AOAH: variants seen among roughly 807,000 people sequenced by gnomAD.
AOAH encodes the protein acyloxyacyl hydrolase.
In AOAH, 64 loss-of-function variants were observed where a neutral mutation model predicts 92.2. The observed-to-expected ratio is 0.69, with a 90% CI of 0.57 to 0.86. AOAH has a LOEUF of 0.86. Among genes scored for constraint, AOAH ranks in the 40% least tolerant of loss-of-function variants. The pLI is 0.00. For missense variants in AOAH, 656 were observed against 694.6 expected (o/e 0.94, Z 0.62); for synonymous variants, 263 against 254.5 (o/e 1.03, Z -0.32).
intron 19 of AOAH, among the ~76,000 whole-genome samples, chr7:36,527,552 G>A (rs558162347): frequency 5.9e-5 from 9 of 152,236 alleles, no homozygotes; most frequent in African/African-American, 1.7e-4. Context: ...TGGACATCAG[G>A]AGTGAAGGAG....
chr7:36,571,132 A>G (rs1472177354), intron 13 of AOAH, among the ~76,000 whole-genome samples: 1 of 152,148 alleles, frequency 6.6e-6, no homozygotes, highest in Non-Finnish European at 1.5e-5. Flanking sequence ...AAAGTCTAGT[A>G]TTTACTGAGT....
chr7:36,639,558 T>A (rs1165511755), intron 4 of AOAH, among the ~76,000 whole-genome samples: 1 of 152,248 alleles, frequency 6.6e-6, no homozygotes, highest in African/African-American at 2.4e-5. Flanking sequence ...CCAGATTTTA[T>A]GCACATAGGA....
intron 13 of AOAH, among the ~76,000 whole-genome samples, chr7:36,572,677 A>T (rs1788220035): frequency 6.6e-6 from 1 of 152,226 alleles, no homozygotes; most frequent in South Asian, 2.1e-4. Context: ...TTTCTCATTC[A>T]GTCTTCAGCA....
intron 4 of AOAH, among the ~76,000 whole-genome samples, chr7:36,648,269 C>T (rs1339893222): frequency 6.6e-6 from 1 of 152,192 alleles, no homozygotes; most frequent in Non-Finnish European, 1.5e-5. Flanking sequence ...ACCATCAGAA[C>T]TTTGTGAAGT....
intron 15 of AOAH, among the ~76,000 whole-genome samples, chr7:36,548,207 A>C (rs1050147814): frequency 2.3e-4 from 35 of 152,002 alleles, no homozygotes; most frequent in Admixed American, 2.3e-3. Flanking sequence ...TTTTTTTGAG[A>C]TAGAGTCTTG....
chr7:36,561,065 C>T (rs1158328283), intron 13 of AOAH, among the ~76,000 whole-genome samples: 6 of 134,986 alleles, frequency 4.4e-5, no homozygotes, highest in African/African-American at 8.5e-5. Context: ...TTTTTTGAGA[C>T]GGAGTCTCAC....
At chr7:36,520,570 TGGC>T (rs1427830077) in intron 20 of AOAH, among the ~76,000 whole-genome samples, 2 of 152,088 alleles carry the variant, frequency 1.3e-5, no homozygotes, top group Admixed American at 1.3e-4. Context: ...CCAGGTGTGG[TGGC>T]GCATGCCTGT....
intron 6 of AOAH, among the ~76,000 whole-genome samples, chr7:36,627,730 C>T (rs976431016): frequency 1.3e-5 from 2 of 152,130 alleles, no homozygotes; most frequent in Non-Finnish European, 2.9e-5. Flanking sequence ...TCTGGCCACA[C>T]GACATTCTAT....
chr7:36,702,035 C>T (rs1418717821), intron 1 of AOAH, among the ~76,000 whole-genome samples: 1 of 151,990 alleles, frequency 6.6e-6, no homozygotes, highest in Non-Finnish European at 1.5e-5. Flanking sequence ...GGTAAGACTT[C>T]ACAACTTTGC....
intron 16 of AOAH, among the ~76,000 whole-genome samples, chr7:36,533,672 T>TGTGTGC (rs1040096193): frequency 1.8e-5 from 2 of 109,886 alleles, no homozygotes; most frequent in Admixed American, 2.1e-4. Flanking sequence ...CCCTCTATTT[T>TGTGTGC]GTGTGCGTGT....
intron 11 of AOAH, among the ~76,000 whole-genome samples, chr7:36,605,586 C>T (rs1790941456): frequency 6.6e-6 from 1 of 152,204 alleles, no homozygotes; most frequent in South Asian, 2.1e-4. Flanking sequence ...ATTATAAATG[C>T]TTTTCAGAAG....
At position 36,693,609 on chromosome 7, in the gene AOAH, A is replaced by G. The variant is rs968266307; in HGVS notation, c.128-6815T>C. 2.9e-4 allele frequency among the ~76,000 whole-genome samples: 44 copies of G among 152,150 alleles called. 1 individual carries two copies. The highest frequency in any genetic ancestry group is 1.1e-3 in the African/African-American group (44 of 41,444). ...CTAAAAACGTGTATAAAACTTAAAA[A>G]TTTTAATTTCCTGTGATACTTCAAG... On this transcript the variant is annotated intron_variant, in intron 1 of 20. Coordinates refer to ENST00000617537, the MANE Select transcript of AOAH (RefSeq NM_001637.4).
intron 5 of AOAH, among the ~76,000 whole-genome samples, chr7:36,632,766 A>G (rs1793220171): frequency 6.6e-6 from 1 of 152,232 alleles, no homozygotes; most frequent in Admixed American, 6.5e-5. Context: ...ATGAAGGGAG[A>G]GAGACACTGG....
At position 36,513,393 on chromosome 7, in the gene AOAH, AC is replaced by A; in HGVS notation, c.1600-14del. The A allele has an allele frequency of 6.2e-7, 1 of 1,611,234 alleles. No individual in the cohort carries two copies. Among genetic ancestry groups the A allele is most frequent in the Non-Finnish European group, 8.5e-7 (1 of 1,178,158 alleles). On this transcript the variant is annotated splice_polypyrimidine_tract_variant and intron_variant, in intron 20 of 20. Transcript: ENST00000617537. ...ACAGCAAAGCCACCTGTGAGAGAGAACCCAAAGGACGAGGAAAAGGGAAATT... is the reference window on the plus strand; with the variant it reads ...ACAGCAAAGCCACCTGTGAGAGAGAACCAAAGGACGAGGAAAAGGGAAATT...
intron 1 of AOAH, among the ~76,000 whole-genome samples, chr7:36,701,235 G>T (rs1025788501): frequency 8.6e-5 from 13 of 151,860 alleles, no homozygotes; most frequent in African/African-American, 3.1e-4. Context: ...CAATCCTGGA[G>T]AATGGTCCAT....
intron 3 of AOAH, among the ~76,000 whole-genome samples, chr7:36,670,167 T>C (rs1331130197): frequency 2.6e-5 from 4 of 152,142 alleles, no homozygotes. Context: ...TGTGAAATAA[T>C]AAGGAAGGAT....
At chr7:36,520,696 ACT>A (rs1417465984) in intron 20 of AOAH, among the ~76,000 whole-genome samples, 4 of 123,004 alleles carry the variant, frequency 3.3e-5, no homozygotes, top group Non-Finnish European at 5.1e-5. Context: ...CAAGAGTGAA[ACT>A]CTGTCTCGAG....
At chr7:36,518,831 T>A (rs1280271208) in intron 20 of AOAH, among the ~76,000 whole-genome samples, 1 of 152,200 alleles carries the variant, frequency 6.6e-6, no homozygotes, top group South Asian at 2.1e-4. Context: ...AATCACCCGA[T>A]GATCTGGAAT....
chr7:36,603,451 C>T (rs1484335353), intron 11 of AOAH, among the ~76,000 whole-genome samples: 1 of 152,186 alleles, frequency 6.6e-6, no homozygotes, highest in Non-Finnish European at 1.5e-5. Context: ...CCTGCCCCGG[C>T]CTTTCTCTCT....
Sources: allele counts gnomAD v4.1 joint callset (sites outside exome capture counted in the v4.1 genomes callset), GRCh38; gene constraint gnomAD v4.1.1; transcripts MANE v1.5; gene names NCBI Gene and HGNC (gene_info 2026-07-23, HGNC 2026-07-21).